The following CLSTN2 variants were observed in gnomAD, a reference collection of about 807,000 sequenced individuals.
CLSTN2 encodes the protein calsyntenin-2.
In CLSTN2, 48 loss-of-function variants were observed where a neutral mutation model predicts 101.2. The observed-to-expected ratio is 0.47, with a 90% CI of 0.38 to 0.60. The LOEUF is 0.60. Ranked by LOEUF, CLSTN2 falls within the 20% of genes least tolerant of loss-of-function variation. CLSTN2 has a pLI of 0.00. For synonymous variants in CLSTN2, 481 were observed against 463.6 expected (o/e 1.04, Z -0.48); for missense variants, 1,160 against 1,238.2 (o/e 0.94, Z 0.95).
chr3:140,008,326 C>T (rs2006999199), intron 1 of CLSTN2, among the ~76,000 whole-genome samples: 1 of 152,236 alleles, frequency 6.6e-6, no homozygotes. Context: ...TATCATTGCC[C>T]CTGGCATCCT....
rs148017116 is a variant in CLSTN2, at chr3:140,503,585, G to A, written c.1345-28739G>A. ...GAATGTGTCCTTGTTGCTAAGCGAT[G>A]CATGACTGTAACATATTCACAGGTT... On this transcript the variant is annotated intron_variant, in intron 8 of 16. Transcript: ENST00000458420. 5.5e-3 allele frequency among the ~76,000 whole-genome samples: 837 copies of A among 151,984 alleles called. 7 individuals are homozygous for A. Among genetic ancestry groups the A allele is most frequent in the African/African-American group, 0.019 (785 of 41,274 alleles).
intron 1 of CLSTN2, among the ~76,000 whole-genome samples, chr3:140,013,259 A>G (rs77453022): frequency 1.7e-3 from 260 of 152,370 alleles, no homozygotes; most frequent in African/African-American, 6.0e-3. Context: ...GAATCCATGA[A>G]TCTAATTGTG....
chr3:140,246,600 C>G (rs536635975), intron 2 of CLSTN2, among the ~76,000 whole-genome samples: 123 of 152,274 alleles, frequency 8.1e-4, no homozygotes, highest in African/African-American at 2.9e-3. Context: ...ATGTAACATA[C>G]ATAGCAAAAT....
intron 2 of CLSTN2, among the ~76,000 whole-genome samples, chr3:140,373,444 C>T (rs1053238813): frequency 5.9e-5 from 9 of 152,206 alleles, no homozygotes; most frequent in African/African-American, 1.9e-4. Flanking sequence ...TTCTGCCTTG[C>T]TGCACTCTCA....
At chr3:140,056,446 G>T (rs1473534298) in intron 1 of CLSTN2, among the ~76,000 whole-genome samples, 2 of 152,170 alleles carry the variant, frequency 1.3e-5, no homozygotes, top group East Asian at 1.9e-4. Context: ...GGATGGCCTT[G>T]TCTGTTTCTG....
At chr3:140,373,302 T>C (rs956579752) in intron 2 of CLSTN2, among the ~76,000 whole-genome samples, 3 of 152,208 alleles carry the variant, frequency 2.0e-5, no homozygotes, top group Admixed American at 6.5e-5. Flanking sequence ...CTGTTGTTCT[T>C]ATTCTTAGGA....
At chr3:140,181,967 T>C (rs528343789) in intron 2 of CLSTN2, among the ~76,000 whole-genome samples, 1 of 152,302 alleles carries the variant, frequency 6.6e-6, no homozygotes, top group South Asian at 2.1e-4. Flanking sequence ...ATTTACATGA[T>C]ACACAGATAT....
intron 2 of CLSTN2, among the ~76,000 whole-genome samples, chr3:140,369,693 G>A (rs1433193070): frequency 1.3e-5 from 2 of 152,162 alleles, no homozygotes; most frequent in Non-Finnish European, 2.9e-5. Context: ...TGTGGCCACA[G>A]CACACCCCTC....
intron 2 of CLSTN2, among the ~76,000 whole-genome samples, chr3:140,356,209 C>G (rs1163302934): frequency 1.3e-5 from 2 of 152,106 alleles, no homozygotes; most frequent in African/African-American, 4.8e-5. Flanking sequence ...AACATGGGAA[C>G]TTAAAAAGAA....
chr3:140,482,007 G>A (rs1256440027), intron 8 of CLSTN2, among the ~76,000 whole-genome samples: 2 of 152,158 alleles, frequency 1.3e-5, no homozygotes, highest in African/African-American at 4.8e-5. Context: ...TGGTGAGAGA[G>A]GGCATCCCTG....
At chr3:140,532,599 C>T (rs1439795804) in intron 9 of CLSTN2, 113 bp downstream of exon 9, 7 of 806,822 alleles carry the variant, frequency 8.7e-6, no homozygotes, top group Non-Finnish European at 1.3e-5. Context: ...AAAATTACTA[C>T]CCCTTACAAA....
chr3:140,110,802 A>T (rs936543672), intron 1 of CLSTN2, among the ~76,000 whole-genome samples: 3 of 152,114 alleles, frequency 2.0e-5, no homozygotes, highest in African/African-American at 7.2e-5. Flanking sequence ...CTCTAGTCAG[A>T]TGGCAAACCT....
At chr3:140,565,965 GT>G (rs1936016563) in intron 16 of CLSTN2, 87 bp from the exon 17 acceptor site, 1 of 1,536,138 alleles carries the variant, frequency 6.5e-7, no homozygotes, top group Non-Finnish European at 8.9e-7. Flanking sequence ...GGCCGTAAAT[GT>G]TTCCTTAATG....
At chr3:139,950,607 C>G (rs896065417) in intron 1 of CLSTN2, among the ~76,000 whole-genome samples, 1 of 152,334 alleles carries the variant, frequency 6.6e-6, no homozygotes, top group African/African-American at 2.4e-5. Context: ...GAACTTTCAA[C>G]CGTATCAGAA....
intron 2 of CLSTN2, among the ~76,000 whole-genome samples, chr3:140,246,551 C>A (rs2107872250): frequency 6.6e-6 from 1 of 152,258 alleles, no homozygotes; most frequent in East Asian, 1.9e-4. Flanking sequence ...GCACAATGGG[C>A]ATGATACTGA....
intron 1 of CLSTN2, among the ~76,000 whole-genome samples, chr3:140,131,749 A>G (rs2009525841): frequency 6.6e-6 from 1 of 152,158 alleles, no homozygotes. Flanking sequence ...ACGACTTTTC[A>G]GCAAAGCATG....
chr3:140,071,617 G>C (rs968701204), intron 1 of CLSTN2, among the ~76,000 whole-genome samples: 3 of 152,060 alleles, frequency 2.0e-5, no homozygotes, highest in Non-Finnish European at 4.4e-5. Context: ...GGATCACCAA[G>C]TCAGGAAATT....
rs77571207 is a variant in CLSTN2 at position 139,962,781 on chromosome 3, G to A, written c.109+27298G>A. Among the ~76,000 whole-genome samples the A allele has an allele frequency of 8.5e-4, 130 of 152,126 alleles. 1 individual carries two copies. In the Middle Eastern group the frequency reaches 0.014, roughly 16 times the overall value. ...CCATCATCTGTATGTACCACAATTT[G>A]TTTCTCCATTCAGCTGATGGACATT... On this transcript the variant is annotated intron_variant, in intron 1 of 16. Transcript: ENST00000458420.
intron 5 of CLSTN2, among the ~76,000 whole-genome samples, chr3:140,445,014 C>T (rs181908120): frequency 6.7e-4 from 102 of 152,332 alleles, no homozygotes; most frequent in Admixed American, 2.7e-3. Context: ...CTCAAGTACA[C>T]TGTGCTCAGA....
Sources: allele counts gnomAD v4.1 joint callset (sites outside exome capture counted in the v4.1 genomes callset), GRCh38; gene constraint gnomAD v4.1.1; transcripts MANE v1.5; gene names NCBI Gene and HGNC (gene_info 2026-07-23, HGNC 2026-07-21).